The following RIPPLY2 variants were observed in gnomAD, a reference collection of about 807,000 sequenced individuals.
RIPPLY2 encodes ripply transcriptional repressor 2.
In RIPPLY2, 20 loss-of-function variants were observed where a neutral mutation model predicts 17.7. The ratio of observed to expected loss-of-function variants is 1.13; its 90% confidence interval spans 0.79 to 1.64. The LOEUF is 1.64. Among genes scored for constraint, RIPPLY2 ranks in the 40% most tolerant of loss-of-function variants. RIPPLY2 has a pLI of 0.00. For missense variants in RIPPLY2, 213 were observed against 169.8 expected (o/e 1.25, Z -1.41); for synonymous variants, 69 against 63.9 (o/e 1.08, Z -0.38).
Position 83,853,529 on chromosome 6 carries a change from G to A in RIPPLY2, c.95+18G>A, listed in dbSNP as rs772758712. 3.3e-6 allele frequency: 5 copies of A among 1,535,694 alleles called. No individual in the cohort carries two copies. Among genetic ancestry groups the A allele is most frequent in the African/African-American group, 1.4e-5 (1 of 72,474 alleles). ...GACTCCGGGTAGGCTTCCCCGCGCT[G>A]CTCTGCGCCTCCCAGCTTCCCCCGT... On this transcript the variant is annotated intron_variant, in intron 1 of 3. Coordinates refer to ENST00000369689, the MANE Select transcript of RIPPLY2 (RefSeq NM_001009994.3).
At chr6:83,854,038 C>A in intron 2 of RIPPLY2, 59 bp from the exon 3 acceptor site, 1 of 1,489,596 alleles carries the variant, frequency 6.7e-7, no homozygotes, top group Non-Finnish European at 9.4e-7. Context: ...GGGTCGTGCA[C>A]GTTTCCACTT....
chr6:83,857,100 C>A (rs2099455098), intron 3 of RIPPLY2, 142 bp from the exon 4 acceptor site: 1 of 456,938 alleles, frequency 2.2e-6, no homozygotes, highest in East Asian at 3.4e-5. Context: ...GTGATAGTAG[C>A]ATATTTTAAC....
intron 3 of RIPPLY2, chr6:83,854,954 G>A (rs1244778902): frequency 6.6e-5 from 10 of 152,324 alleles, no homozygotes; most frequent in Non-Finnish European, 8.8e-5. Flanking sequence ...AGTTTTACAA[G>A]TATGGGCAGG....
At chr6:83,857,139 A>G (rs954024829) in intron 3 of RIPPLY2, 103 bp from the exon 4 acceptor site, 6 of 701,532 alleles carry the variant, frequency 8.6e-6, no homozygotes, top group Non-Finnish European at 1.3e-5. Context: ...ATCCAAATGT[A>G]TAAGTCAATT....
At chr6:83,854,734 T>C (rs1489792545) in intron 3 of RIPPLY2, 1 of 153,482 alleles carries the variant, frequency 6.5e-6, no homozygotes, top group African/African-American at 2.4e-5. Flanking sequence ...GTCACTTTTA[T>C]TCAGGTGAAA....
intron 3 of RIPPLY2, chr6:83,855,326 A>C (rs2099454833): frequency 6.6e-6 from 1 of 152,258 alleles, no homozygotes; most frequent in African/African-American, 2.4e-5. Context: ...GGGCATCAAA[A>C]GTAAAACTGG....
chr6:83,855,854 C>T (rs567384905), intron 3 of RIPPLY2: 1 of 152,214 alleles, frequency 6.6e-6, no homozygotes, highest in East Asian at 1.9e-4. Flanking sequence ...AAAGAGAGGT[C>T]CACAAGGAGA....
chr6:83,855,215 C>T (rs1000510704), intron 3 of RIPPLY2: 1 of 152,150 alleles, frequency 6.6e-6, no homozygotes, highest in Non-Finnish European at 1.5e-5. Context: ...CTTGCACACT[C>T]TTGTACAGAG....
In RIPPLY2 at chr6:83,853,705, T is replaced by TCCCCTA; in HGVS notation, c.106_107insCCCCTA (p.Phe36delinsSerProIle). The TCCCCTA allele has an allele frequency of 6.2e-7, 1 of 1,613,750 alleles. No homozygotes were observed. The highest frequency in any genetic ancestry group is 1.1e-5 in the South Asian group (1 of 91,024). ...TCCCCTATCCCGCAGATACGCAGGCTTCTGGAGACCCTGGGTGGACGCCGG... is the reference window on the plus strand; with the variant it reads ...TCCCCTATCCCGCAGATACGCAGGCTCCCCTATCTGGAGACCCTGGGTGGACGCCGG... On this transcript the variant is annotated protein_altering_variant, in exon 2 of 4. Coordinates refer to ENST00000369689, the MANE Select transcript of RIPPLY2 (RefSeq NM_001009994.3).
upstream of RIPPLY2, chr6:83,853,255 T>G (rs1427318211): frequency 1.6e-6 from 1 of 607,776 alleles, no homozygotes. Flanking sequence ...ACGCGCAGCC[T>G]TTTTGTTTAT....
chr6:83,853,603 C>T, intron 1 of RIPPLY2, 92 bp downstream of exon 1: 2 of 1,549,722 alleles, frequency 1.3e-6, no homozygotes, highest in South Asian at 2.4e-5. Context: ...TCTCCATCCC[C>T]CACTGCCCGG....
In RIPPLY2 at chr6:83,857,343, A is replaced by T. The variant is rs764514002; in HGVS notation, c.341A>T (p.Asp114Val). The T allele has an allele frequency of 6.3e-7, 1 of 1,585,328 alleles. No homozygotes were observed. ...CAAGCCACAATTTCATTTTATGAAG[A>T]TTCTGATAGCGAAGATGAAATTGAG... ...PIQATISFYE[D>V]SDSEDEIEDL... Residue 114 changes from aspartate to valine, a missense_variant, in exon 4 of 4, where the codon GAT becomes GTT. Asp to Val is a radical substitution (Grantham distance 152). Coordinates refer to ENST00000369689, the MANE Select transcript of RIPPLY2 (RefSeq NM_001009994.3).
chr6:83,853,330 T>G, upstream of RIPPLY2: 2 of 1,039,054 alleles, frequency 1.9e-6, no homozygotes, highest in Non-Finnish European at 1.4e-6. Flanking sequence ...CCGCGAGGGC[T>G]ATATAAAGCT....
rs1405247661 is a variant in RIPPLY2, at chr6:83,857,489, T to G, written c.*100T>G. ...TTAAACTAATTTATTTGTATATAAA[T>G]TATTAATAAAATGAAATATTTTGTA... On this transcript the variant is annotated 3_prime_UTR_variant, in exon 4 of 4. Coordinates refer to ENST00000369689, the MANE Select transcript of RIPPLY2 (RefSeq NM_001009994.3). The G allele has an allele frequency of 4.7e-6, 3 of 634,704 alleles. No homozygotes were observed. Among genetic ancestry groups the G allele is most frequent in the Non-Finnish European group, 6.8e-6 (3 of 443,430 alleles). 39.3% of individuals were successfully genotyped at this position (634,704 alleles called of 1,614,324 possible).
Position 83,853,790 on chromosome 6 carries a change from T to A in RIPPLY2, c.174+17T>A, listed in dbSNP as rs1378410841. On this transcript the variant is annotated intron_variant, in intron 2 of 3. Transcript: ENST00000369689. ...GCGGAGGCGGTGAGTGAGCCACGCG[T>A]CTCAGGCCGCGCCTCCCACGGGTGC... is the stretch of plus-strand genomic sequence containing the variant. The A allele has an allele frequency of 1.1e-5, 17 of 1,604,238 alleles. No individual in the cohort carries two copies. Among genetic ancestry groups the A allele is most frequent in the Middle Eastern group, 3.4e-4 (2 of 5,948 alleles).
chr6:83,855,726 T>G (rs1380037670), intron 3 of RIPPLY2: 1 of 151,996 alleles, frequency 6.6e-6, no homozygotes, highest in East Asian at 1.9e-4. Flanking sequence ...GAGTCCATGG[T>G]AAATGTAGGG....
In RIPPLY2 at chr6:83,853,476, C is replaced by T; in HGVS notation, c.60C>T (p.Thr20=). The change falls in exon 1 of 4, where the codon ACC becomes ACT. Residue 20 remains threonine, a synonymous_variant. Coordinates refer to ENST00000369689, the MANE Select transcript of RIPPLY2 (RefSeq NM_001009994.3). Reference sequence around the variant, plus strand: ...GTGGAGCTGCGGCGTGCGCGGCCACCGACGGCCCTACGCGGCGCGCGGGCG... The same window carrying T: ...GTGGAGCTGCGGCGTGCGCGGCCACTGACGGCCCTACGCGGCGCGCGGGCG... ...TESGAAACAA[T]DGPTRRAGAD... is the part of the protein sequence containing the mutation. The T allele has an allele frequency of 6.5e-7, 1 of 1,541,020 alleles. No homozygotes were observed. The highest frequency in any genetic ancestry group is 8.7e-7 in the Non-Finnish European group (1 of 1,145,800).
intron 2 of RIPPLY2, 75 bp downstream of exon 2, chr6:83,853,848 C>A: frequency 7.4e-7 from 1 of 1,345,380 alleles, no homozygotes; most frequent in South Asian, 1.2e-5. Flanking sequence ...GGACGCAGGG[C>A]CTGAGAGAGA....
chr6:83,853,452 T>A lies in RIPPLY2; in HGVS notation c.36T>A (p.Ser12Arg). 1 of 1,543,402 alleles carries A rather than the reference T, an allele frequency of 6.5e-7. No homozygotes were observed. ...ENAGGAEGTE[S>R]GAAACAATDG... ...CGGGAGGCGCAGAGGGTACAGAGAG[T>A]GGAGCTGCGGCGTGCGCGGCCACCG... The change falls in exon 1 of 4, where the codon AGT (serine) becomes AGA (arginine). Residue 12 changes from serine (S) to arginine (R), a missense_variant. Transcript: ENST00000369689.
Sources: allele counts gnomAD v4.1 joint callset, GRCh38; gene constraint gnomAD v4.1.1; transcripts MANE v1.5; gene names NCBI Gene and HGNC (gene_info 2026-07-23, HGNC 2026-07-21).